Variants in FHIT observed in about 807,000 individuals in gnomAD.
FHIT encodes the protein bis(5'-adenosyl)-triphosphatase.
In FHIT, 19 loss-of-function variants were observed where a neutral mutation model predicts 17.9. The ratio of observed to expected loss-of-function variants is 1.06; its 90% CI spans 0.74 to 1.56. The LOEUF (loss-of-function observed/expected upper bound fraction) is 1.56. FHIT is among the 40% of genes most tolerant of loss of function. FHIT has a pLI of 0.00. For synonymous variants in FHIT, 81 were observed against 69.7 expected (o/e 1.16, Z -0.81); for missense variants, 248 against 189.2 (o/e 1.31, Z -1.82).
At chr3:60,021,096 G>A (rs1034754415) in intron 5 of FHIT, among the ~76,000 whole-genome samples, 1 of 152,156 alleles carries the variant, frequency 6.6e-6, no homozygotes. Flanking sequence ...TCCAGAATAT[G>A]ATAAATTCCA....
intron 5 of FHIT, among the ~76,000 whole-genome samples, chr3:60,104,357 T>C (rs943763913): frequency 5.3e-5 from 8 of 152,292 alleles, no homozygotes; most frequent in Admixed American, 5.2e-4. Context: ...TTCAGTGCTT[T>C]GATTGTAATT....
intron 7 of FHIT, among the ~76,000 whole-genome samples, chr3:59,977,624 G>A (rs555395334): frequency 5.9e-4 from 90 of 152,292 alleles, no homozygotes; most frequent in Non-Finnish European, 1.1e-3. Flanking sequence ...AGAGTCAGCC[G>A]CGTTGCAGTC....
At chr3:60,525,443 C>T (rs1559512656) in intron 5 of FHIT, among the ~76,000 whole-genome samples, 1 of 151,892 alleles carries the variant, frequency 6.6e-6, no homozygotes, top group African/African-American at 2.4e-5. Context: ...CTGACAACCC[C>T]TTTTTTTTAA....
At chr3:60,161,364 T>A (rs1296401406) in intron 5 of FHIT, among the ~76,000 whole-genome samples, 1 of 152,118 alleles carries the variant, frequency 6.6e-6, no homozygotes, top group Non-Finnish European at 1.5e-5. Flanking sequence ...TGAATAAATG[T>A]TTAATTTCCA....
chr3:59,826,122 T>C (rs1700968877), intron 8 of FHIT, among the ~76,000 whole-genome samples: 1 of 152,158 alleles, frequency 6.6e-6, no homozygotes. Context: ...CTGATCATCT[T>C]ATTTATTTAT....
Position 60,385,980 on chromosome 3 carries a change from G to A in FHIT, c.103+150880C>T, listed in dbSNP as rs559744599. ...TCCTAGGTGAAATAATAGAAATAAC[G>A]AACTCTTTAGAGCTGACTATGTAGC... On this transcript the variant is annotated intron_variant, in intron 5 of 9. Coordinates refer to ENST00000492590, the MANE Select transcript of FHIT (RefSeq NM_002012.4). Among the ~76,000 whole-genome samples the A allele has an allele frequency of 1.4e-4, 22 of 152,208 alleles. No individual in the cohort carries two copies. The South Asian group carries it at 1.5e-3, about 10-fold the overall frequency.
Position 60,258,476 on chromosome 3 carries a change from A to G in FHIT, c.104-244324T>C, listed in dbSNP as rs114079473. On this transcript the variant is annotated intron_variant, in intron 5 of 9. Coordinates refer to ENST00000492590, the MANE Select transcript of FHIT (RefSeq NM_002012.4). The stretch of plus-strand genomic sequence containing the variant: ...CACCTCCTTAACTGTCCAGTGCATT[A>G]TATCTTTGACATATGGCATCCCTTC... 5.2e-3 allele frequency among the ~76,000 whole-genome samples: 795 copies of G among 152,244 alleles called. 4 individuals are homozygous for G. Among genetic ancestry groups the G allele is most frequent in the Middle Eastern group, 0.02 (6 of 294 alleles).
chr3:60,093,083 C>A (rs1049050293), intron 5 of FHIT, among the ~76,000 whole-genome samples: 2 of 152,162 alleles, frequency 1.3e-5, no homozygotes, highest in Admixed American at 6.5e-5. Flanking sequence ...GCTGCAGTAA[C>A]AGATTAACAC....
chr3:60,542,298 A>G (rs2036211285), intron 4 of FHIT, among the ~76,000 whole-genome samples: 1 of 152,136 alleles, frequency 6.6e-6, no homozygotes, highest in Admixed American at 6.5e-5. Context: ...TGTGACTACC[A>G]TTCTTACACG....
At chr3:59,934,165 TTC>T (rs1706111369) in intron 7 of FHIT, among the ~76,000 whole-genome samples, 1 of 152,206 alleles carries the variant, frequency 6.6e-6, no homozygotes, top group South Asian at 2.1e-4. Context: ...GCTAAGCACT[TTC>T]TTTGTAAGAT....
intron 5 of FHIT, among the ~76,000 whole-genome samples, chr3:60,531,380 G>A (rs1417880692): frequency 1.4e-5 from 2 of 146,414 alleles, no homozygotes; most frequent in Non-Finnish European, 3.0e-5. Flanking sequence ...CCGGGTTCAC[G>A]CCATTCTCCT....
chr3:61,213,434 T>A (rs958672447), intron 1 of FHIT, among the ~76,000 whole-genome samples: 1 of 152,170 alleles, frequency 6.6e-6, no homozygotes, highest in African/African-American at 2.4e-5. Context: ...GGTAAAGGGA[T>A]CAATTCAACA....
At chr3:60,954,493 A>G (rs758555277) in intron 3 of FHIT, among the ~76,000 whole-genome samples, 12 of 152,216 alleles carry the variant, frequency 7.9e-5, no homozygotes, top group Non-Finnish European at 1.5e-4. Context: ...CTATGTACAT[A>G]AAGCTGAGTT....
chr3:60,738,721 A>G (rs1324342864), intron 4 of FHIT, among the ~76,000 whole-genome samples: 9 of 152,216 alleles, frequency 5.9e-5, no homozygotes, highest in African/African-American at 1.9e-4. Context: ...AAATGAATGA[A>G]TGAGAGAATA....
At chr3:61,244,685 A>C (rs2040446300) in intron 1 of FHIT, among the ~76,000 whole-genome samples, 1 of 152,208 alleles carries the variant, frequency 6.6e-6, no homozygotes, top group East Asian at 1.9e-4. Flanking sequence ...ACCTGGAATG[A>C]AAGAACATCC....
intron 8 of FHIT, among the ~76,000 whole-genome samples, chr3:59,755,368 TGAA>T (rs558206402): frequency 4.5e-4 from 69 of 152,312 alleles, no homozygotes; most frequent in Non-Finnish European, 9.1e-4. Context: ...CCAGGTGACT[TGAA>T]GACTAAAAAT....
At chr3:59,883,379 T>C (rs1305252544) in intron 8 of FHIT, among the ~76,000 whole-genome samples, 1 of 152,176 alleles carries the variant, frequency 6.6e-6, no homozygotes, top group Non-Finnish European at 1.5e-5. Flanking sequence ...CATGTGGCTG[T>C]GGAGGCCTCA....
At chr3:60,966,906 A>G (rs1379431841) in intron 3 of FHIT, among the ~76,000 whole-genome samples, 1 of 152,222 alleles carries the variant, frequency 6.6e-6, no homozygotes, top group Non-Finnish European at 1.5e-5. Context: ...ATTGTACTCC[A>G]AATCAGCTGA....
chr3:59,877,366 G>C (rs1703209988), intron 8 of FHIT, among the ~76,000 whole-genome samples: 1 of 152,128 alleles, frequency 6.6e-6, no homozygotes, highest in South Asian at 2.1e-4. Context: ...CAGGGCCTTT[G>C]GAAAACTGAG....
Sources: gnomAD v4.1 joint callset for allele counts (sites outside exome capture counted in the v4.1 genomes callset) on GRCh38, gnomAD v4.1.1 for gene constraint, MANE v1.5 for transcripts, NCBI Gene and HGNC (gene_info 2026-07-23, HGNC 2026-07-21) for gene names.